Variants in MS4A1 observed in about 807,000 individuals in gnomAD.
MS4A1 encodes the protein B-lymphocyte antigen CD20.
In MS4A1, 16 loss-of-function variants were observed where a neutral mutation model predicts 26.5. The ratio of observed to expected loss-of-function variants is 0.60; its 90% CI spans 0.41 to 0.92. The LOEUF is 0.92. Ranked by LOEUF, MS4A1 falls within the 40% of genes least tolerant of loss-of-function variation. The pLI is 0.00. For missense variants in MS4A1, 350 were observed against 353.0 expected, an observed-to-expected ratio of 0.99 and a Z score of 0.07; for synonymous variants, 128 against 117.6, an observed-to-expected ratio of 1.09 and a Z score of -0.57.
chr11:60,464,130 A>G (rs2086270892), intron 4 of MS4A1, 158 bp from the exon 5 acceptor site: 1 of 642,680 alleles, frequency 1.6e-6, no homozygotes, highest in South Asian at 1.9e-5. Flanking sequence ...TGAAAAATGA[A>G]TACAACTGAT....
At chr11:60,459,001 A>G (rs1455870247) in intron 1 of MS4A1, among the ~76,000 whole-genome samples, 2 of 152,142 alleles carry the variant, frequency 1.3e-5, no homozygotes, top group East Asian at 1.9e-4. Flanking sequence ...CACAGCCCTC[A>G]TGGTCATTAT....
At chr11:60,456,571 A>G (rs1443249) in intron 1 of MS4A1, among the ~76,000 whole-genome samples, 1,675 of 152,304 alleles carry the variant, frequency 0.011, 79 homozygotes, top group Admixed American at 0.088. Flanking sequence ...CCTCAAATCT[A>G]TCACATGGGA....
At chr11:60,458,362 T>C (rs1306934427) in intron 1 of MS4A1, among the ~76,000 whole-genome samples, 1 of 152,156 alleles carries the variant, frequency 6.6e-6, no homozygotes, top group African/African-American at 2.4e-5. Context: ...GACTTAAAAG[T>C]CTATTCAAAC....
In MS4A1 at chr11:60,464,021, T is replaced by G. The variant is rs961777520; in HGVS notation, c.280-267T>G. On this transcript the variant is annotated intron_variant, in intron 4 of 7. Coordinates refer to ENST00000345732, the MANE Select transcript of MS4A1 (RefSeq NM_152866.3). ...GATGAGGAAATTTGAGTTCTGTCTC[T>G]TTGGTCTTACTATATTCCTAGTCAC... The G allele has an allele frequency of 1.9e-5, 10 of 536,692 alleles. No individual in the cohort carries two copies. In the East Asian group the frequency reaches 2.5e-4, roughly 14 times the overall value. The allele number at this position is 536,692 out of a possible 1,614,324, so 33.2% of individuals were successfully genotyped here.
chr11:60,457,470 G>A (rs924163661), intron 1 of MS4A1, among the ~76,000 whole-genome samples: 2 of 152,156 alleles, frequency 1.3e-5, no homozygotes. Context: ...GAGAAAGACT[G>A]AAGGCAGAAA....
intron 4 of MS4A1, chr11:60,464,087 C>A: frequency 1.7e-6 from 1 of 600,560 alleles, no homozygotes; most frequent in Non-Finnish European, 3.0e-6. Flanking sequence ...AATTTAGTGT[C>A]ACTGAGCCTG....
intron 1 of MS4A1, among the ~76,000 whole-genome samples, chr11:60,456,334 A>G (rs2086203177): frequency 6.6e-6 from 1 of 152,204 alleles, no homozygotes; most frequent in Non-Finnish European, 1.5e-5. Context: ...GGGCAATGGT[A>G]CCCATTACAT....
intron 1 of MS4A1, among the ~76,000 whole-genome samples, chr11:60,460,019 G>A (rs978597607): frequency 3.9e-5 from 6 of 152,050 alleles, no homozygotes; most frequent in African/African-American, 1.5e-4. Context: ...GTGGAGGGGG[G>A]CAGATTGCTT....
intron 2 of MS4A1, 132 bp from the exon 3 acceptor site, chr11:60,462,044 AACAAAGAGG>A: frequency 5.0e-6 from 2 of 399,318 alleles, no homozygotes; most frequent in South Asian, 4.3e-5. Flanking sequence ...AGGAATAAGA[AACAAAGAGG>A]ACATGCAGTC....
intron 2 of MS4A1, among the ~76,000 whole-genome samples, chr11:60,461,871 G>A (rs2086250930): frequency 1.3e-5 from 2 of 149,082 alleles, no homozygotes; most frequent in African/African-American, 2.4e-5. Context: ...TAGAGACAGA[G>A]AGAGGCCTGG....
At position 60,463,022 on chromosome 11, in the gene MS4A1, G is replaced by T. The variant is rs1473555726; in HGVS notation, c.180G>T (p.Gly60=). 6 of 1,613,868 alleles carry T rather than the reference G, an allele frequency of 3.7e-6. No individual in the cohort carries two copies. The highest frequency in any genetic ancestry group is 5.1e-6 in the Non-Finnish European group (6 of 1,180,006). ...KTLGAVQIMN[G]LFHIALGGLL... ...CCCAGGCTGTCCAGATTATGAATGG[G>T]CTCTTCCACATTGCCCTGGGGGGTC... The change falls in exon 4 of 8, where the codon GGG becomes GGT. Residue 60 remains glycine (G), a synonymous_variant. Coordinates refer to ENST00000345732, the MANE Select transcript of MS4A1 (RefSeq NM_152866.3).
intron 1 of MS4A1, among the ~76,000 whole-genome samples, chr11:60,458,704 G>A (rs1273798434): frequency 9.2e-5 from 14 of 152,122 alleles, no homozygotes; most frequent in Non-Finnish European, 5.9e-5. Context: ...CTCCGTAGGC[G>A]AGTTTTATGT....
chr11:60,458,592 A>T (rs892438247), intron 1 of MS4A1, among the ~76,000 whole-genome samples: 5 of 152,224 alleles, frequency 3.3e-5, no homozygotes, highest in Admixed American at 3.3e-4. Flanking sequence ...CATAACCCCT[A>T]CTAATCTACC....
intron 4 of MS4A1, chr11:60,463,924 G>A (rs2086269527): frequency 5.4e-6 from 2 of 369,988 alleles, no homozygotes; most frequent in South Asian, 2.2e-5. Context: ...AACCCCAAAG[G>A]GCAGTTCCAC....
intron 1 of MS4A1, among the ~76,000 whole-genome samples, chr11:60,458,692 A>G (rs565339214): frequency 6.6e-6 from 1 of 152,194 alleles, no homozygotes; most frequent in African/African-American, 2.4e-5. Flanking sequence ...AGAATCTCCA[A>G]TCTCCGTAGG....
chr11:60,470,415 T>G lies in MS4A1; in HGVS notation c.*1947T>G, dbSNP rs199720149. ...TCTTATTTTTTCTCCTCTTCTGAAA[T>G]ATATATGAGGATTCCTCTCCAAACC... On this transcript the variant is annotated 3_prime_UTR_variant, in exon 8 of 8. Coordinates refer to ENST00000345732, the MANE Select transcript of MS4A1 (RefSeq NM_152866.3). The G allele has an allele frequency of 6.6e-6, 1 of 152,060 alleles. No individual in the cohort carries two copies. Among genetic ancestry groups the G allele is most frequent in the African/African-American group, 2.4e-5 (1 of 41,444 alleles). 9.4% of individuals were successfully genotyped at this position (152,060 alleles called of 1,614,324 possible). A position where few individuals can be genotyped will look rare whatever the true frequency, so the allele number is the denominator to read the frequency against.
chr11:60,457,897 A>C (rs2086217107), intron 1 of MS4A1, among the ~76,000 whole-genome samples: 1 of 152,204 alleles, frequency 6.6e-6, no homozygotes, highest in African/African-American at 2.4e-5. Flanking sequence ...GGACATTGCT[A>C]GATTAAAAGA....
At chr11:60,458,981 C>T (rs1590842605) in intron 1 of MS4A1, among the ~76,000 whole-genome samples, 1 of 152,086 alleles carries the variant, frequency 6.6e-6, no homozygotes, top group South Asian at 2.1e-4. Context: ...AAATATCACA[C>T]ACACACACAC....
chr11:60,465,241 C>T (rs975893796), intron 5 of MS4A1, among the ~76,000 whole-genome samples: 2 of 152,166 alleles, frequency 1.3e-5, no homozygotes, highest in Admixed American at 1.3e-4. Context: ...TTTATATTTT[C>T]CTGTTTCAAC....
Sources: allele counts gnomAD v4.1 joint callset (sites outside exome capture counted in the v4.1 genomes callset), GRCh38; gene constraint gnomAD v4.1.1; transcripts MANE v1.5; gene names NCBI Gene and HGNC (gene_info 2026-07-23, HGNC 2026-07-21).